NEUROD1: variants seen among roughly 807,000 people sequenced by gnomAD.
NEUROD1 encodes the protein neuronal differentiation 1.
NEUROD1 carries 9 observed loss-of-function variants against 21.8 expected under a neutral mutation model. That is an observed-to-expected ratio of 0.41 (90% CI 0.25 to 0.72). The LOEUF is 0.72. NEUROD1 is among the 30% of genes least tolerant of loss of function. The pLI, the probability that NEUROD1 is intolerant of heterozygous loss-of-function variation, is 0.31. For missense variants in NEUROD1, 434 were observed against 468.8 expected, an observed-to-expected ratio of 0.93 and a Z score of 0.69; for synonymous variants, 199 against 186.2, an observed-to-expected ratio of 1.07 and a Z score of -0.56.
Position 181,678,324 on chromosome 2 carries a change from G to A in NEUROD1, c.537C>T (p.Pro179=), listed in dbSNP as rs1180665611. Residue 179 remains proline, a synonymous_variant, in exon 2 of 2, where the codon CCC becomes CCT. Transcript: ENST00000295108. This position sits in a 1 kb window ranked among gnomAD's most constrained non-coding sequence, Gnocchi z 5.5. ...VQTLCKGLSQ[P]TTNLVAGCLQ... ...GGCAGCCCGCAACCAGGTTGGTGGTGGGTTGGGATAAGCCCTTGCAAAGCG... is the reference window on the plus strand; with the variant it reads ...GGCAGCCCGCAACCAGGTTGGTGGTAGGTTGGGATAAGCCCTTGCAAAGCG... The A allele has an allele frequency of 6.2e-7, 1 of 1,614,100 alleles. No homozygotes were observed. The highest frequency in any genetic ancestry group is 1.1e-5 in the South Asian group (1 of 91,088).
downstream of NEUROD1, among the ~76,000 whole-genome samples, chr2:181,672,586 C>T (rs1172067145): frequency 6.6e-6 from 1 of 152,148 alleles, no homozygotes; most frequent in African/African-American, 2.4e-5. Flanking sequence ...TAGGCAAATG[C>T]TCTGGAAAGA....
downstream of NEUROD1, among the ~76,000 whole-genome samples, chr2:181,670,055 C>T (rs1050504469): frequency 2.0e-5 from 3 of 152,114 alleles, no homozygotes; most frequent in African/African-American, 7.2e-5. Context: ...AAAATATGAA[C>T]TTGTGTGTTA....
intron 1 of NEUROD1, 101 bp downstream of exon 1, chr2:181,680,329 A>G (rs1347489564): frequency 6.6e-6 from 1 of 152,200 alleles, no homozygotes; most frequent in Non-Finnish European, 1.5e-5. Context: ...CTCAATACAC[A>G]TACACACTCT....
At chr2:181,673,734 C>T (rs528938589), downstream of NEUROD1, among the ~76,000 whole-genome samples, 2 of 152,218 alleles carry the variant, frequency 1.3e-5, no homozygotes, top group South Asian at 4.1e-4. Flanking sequence ...GGTATTTTCA[C>T]TTTAAATTTC....
Position 181,677,918 on chromosome 2 carries a change from C to G in NEUROD1, c.943G>C (p.Gly315Arg), listed in dbSNP as rs746176237. The G allele has an allele frequency of 6.2e-7, 1 of 1,614,152 alleles. No homozygotes were observed. The highest frequency in any genetic ancestry group is 1.1e-5 in the South Asian group (1 of 91,074). Residue 315 changes from glycine to arginine, a missense_variant, in exon 2 of 2, where the codon GGA (glycine) becomes CGA (arginine). Transcript: ENST00000295108. ...AATLAGAQSHGSIFSGTAAPR... is the reference protein window; with the variant it reads ...AATLAGAQSHRSIFSGTAAPR... ...GCAGCGGTGCCTGAGAAGATTGATC[C>G]GTGGCTTTGGGCCCCTGCCAGTGTC...
downstream of NEUROD1, among the ~76,000 whole-genome samples, chr2:181,671,929 C>A (rs1027080418): frequency 2.6e-5 from 4 of 152,138 alleles, no homozygotes; most frequent in Non-Finnish European, 5.9e-5. Flanking sequence ...TTAACTGACA[C>A]CATTGAGCGC....
At chr2:181,675,751 GGGGGGAGGAAA>G, downstream of NEUROD1, among the ~76,000 whole-genome samples, 1 of 151,970 alleles carries the variant, frequency 6.6e-6, no homozygotes, top group Non-Finnish European at 1.5e-5. Flanking sequence ...CCCAAAGGGT[GGGGGGAGGAAA>G]TAATTACACC....
Position 181,677,759 on chromosome 2 carries a change from G to T in NEUROD1, c.*31C>A, listed in dbSNP as rs1278143769. ...CAGTCACTGTAAGCACAGTGGGTTC[G>T]TTTCCCGGAAATGGTGAAACTGGCG... On this transcript the variant is annotated 3_prime_UTR_variant, in exon 2 of 2. Transcript: ENST00000295108. 1 of 1,613,944 alleles carries T rather than the reference G, an allele frequency of 6.2e-7. No homozygotes were observed. The highest frequency in any genetic ancestry group is 1.3e-5 in the African/African-American group (1 of 75,050).
chr2:181,677,112 A>ATTTTTTTTTTTTTTTT lies in NEUROD1; in HGVS notation c.*662_*677dup, dbSNP rs374172497. On this transcript the variant is annotated 3_prime_UTR_variant, in exon 2 of 2. Coordinates refer to ENST00000295108, the MANE Select transcript of NEUROD1 (RefSeq NM_002500.5). Reference sequence around the variant, plus strand: ...TGAAATGAATTGCTCAAATTGTGCAATTTTTTTTTTTTTTTTTTTTTTTTT... The same window carrying ATTTTTTTTTTTTTTTT: ...TGAAATGAATTGCTCAAATTGTGCAATTTTTTTTTTTTTTTTTTTTTTTTTTTTTTTTTTTTTTTTT... The ATTTTTTTTTTTTTTTT allele has an allele frequency of 6.1e-5, 3 of 49,428 alleles. No homozygotes were observed. The highest frequency in any genetic ancestry group is 3.5e-4 in the Admixed American group (1 of 2,866). The allele number at this position is 49,428 out of a possible 1,614,324, so 3.1% of individuals were successfully genotyped here.
rs201174472 is a variant in NEUROD1 at position 181,678,245 on chromosome 2, G to C, written c.616C>G (p.His206Asp). 25 of 1,614,052 alleles carry C rather than the reference G, an allele frequency of 1.5e-5. No homozygotes were observed. Among genetic ancestry groups the C allele is most frequent in the African/African-American group, 4.0e-5 (3 of 75,036 alleles). The change falls in exon 2 of 2, where the codon CAC (histidine) becomes GAC (aspartate). Residue 206 changes from histidine to aspartate, a missense_variant. His to Asp is a moderately conservative substitution (Grantham distance 81, BLOSUM62 -1). Coordinates refer to ENST00000295108, the MANE Select transcript of NEUROD1 (RefSeq NM_002500.5). The surrounding 1 kb of genome is among the most constrained non-coding windows in gnomAD (Gnocchi z 5.5). ...LPEQNQDMPPHLPTASASFPV... is the reference protein window; with the variant it reads ...LPEQNQDMPPDLPTASASFPV... ...AAGGAAGCGCTGGCCGTCGGCAGGT[G>C]GGGGGGCATGTCCTGGTTCTGCTCA...
At position 181,678,059 on chromosome 2, in the gene NEUROD1, A is replaced by C; in HGVS notation, c.802T>G (p.Ser268Ala). 2.5e-6 allele frequency: 4 copies of C among 1,614,132 alleles called. No homozygotes were observed. The highest frequency in any genetic ancestry group is 3.4e-6 in the Non-Finnish European group (4 of 1,180,020). Residue 268 changes from serine (S) to alanine (A), a missense_variant, in exon 2 of 2, where the codon TCC becomes GCC. Coordinates refer to ENST00000295108, the MANE Select transcript of NEUROD1 (RefSeq NM_002500.5). This position sits in a 1 kb window ranked among gnomAD's most constrained non-coding sequence, Gnocchi z 5.5. ...GGCGGGCTGAGGGGTCCATCAAAGG[A>C]AGGGCTGGTGCAATCAGTCAGAGGG... is the stretch of plus-strand genomic sequence containing the variant. The part of the protein sequence containing the change: ...ESPLTDCTSP[S>A]FDGPLSPPLS...
rs387906384 is a variant in NEUROD1 at position 181,678,244 on chromosome 2, T to TG, written c.616dup (p.His206ProfsTer38). Reference sequence around the variant, plus strand: ...GAAGGAAGCGCTGGCCGTCGGCAGGTGGGGGGGCATGTCCTGGTTCTGCTC... The same window carrying TG: ...GAAGGAAGCGCTGGCCGTCGGCAGGTGGGGGGGGCATGTCCTGGTTCTGCTC... On this transcript the variant is annotated frameshift_variant, in exon 2 of 2. Transcript: ENST00000295108. LOFTEE classifies it high-confidence loss of function. This position sits in a 1 kb window ranked among gnomAD's most constrained non-coding sequence, Gnocchi z 5.5. The TG allele has an allele frequency of 1.5e-5, 24 of 1,613,414 alleles. No homozygotes were observed. The highest frequency in any genetic ancestry group is 2.2e-5 in the South Asian group (2 of 91,046).
downstream of NEUROD1, among the ~76,000 whole-genome samples, chr2:181,673,737 TA>T (rs1688528717): frequency 6.6e-6 from 1 of 152,242 alleles, no homozygotes; most frequent in South Asian, 2.1e-4. Context: ...ATTTTCACTT[TA>T]AATTTCTTGT....
At chr2:181,670,722 C>G (rs568641128) in exon 2 of NEUROD1, among the ~76,000 whole-genome samples, 3 of 152,050 alleles carry the variant, frequency 2.0e-5, no homozygotes, top group Non-Finnish European at 2.9e-5. Flanking sequence ...GCCCCAAATC[C>G]TTGGGGCCCC....
rs763573674 is a variant in NEUROD1 at position 181,677,828 on chromosome 2, C to G, written c.1033G>C (p.Val345Leu). The change falls in exon 2 of 2, where the codon GTC becomes CTC. Residue 345 changes from valine (V) to leucine (L), a missense_variant. By Grantham distance (32) the Val-to-Leu change is conservative. Coordinates refer to ENST00000295108, the MANE Select transcript of NEUROD1 (RefSeq NM_002500.5). ...ATGGCATTGAGCTGGGCACTCATGA[C>G]TCGCTCATGATGTGAATGGCTATCG... Reference protein sequence around the residue: ...SFDSHSHHERVMSAQLNAIFH... With the variant: ...SFDSHSHHERLMSAQLNAIFH... The G allele has an allele frequency of 1.5e-5, 25 of 1,613,970 alleles. No homozygotes were observed. Among genetic ancestry groups the G allele is most frequent in the Non-Finnish European group, 1.9e-5 (23 of 1,179,992 alleles).
chr2:181,674,128 C>G (rs982102722), downstream of NEUROD1, among the ~76,000 whole-genome samples: 2 of 151,998 alleles, frequency 1.3e-5, no homozygotes, highest in African/African-American at 4.8e-5. Context: ...AATATTTAGC[C>G]CAATTTCATC....
downstream of NEUROD1, chr2:181,673,208 C>G (rs1406912867): frequency 6.6e-6 from 1 of 152,218 alleles, no homozygotes; most frequent in Non-Finnish European, 1.5e-5. Context: ...GTCAATGCCA[C>G]TAGTTTGGCT....
chr2:181,679,534 GC>G (rs1193940883), intron 1 of NEUROD1, among the ~76,000 whole-genome samples: 3 of 152,166 alleles, frequency 2.0e-5, no homozygotes, highest in Non-Finnish European at 4.4e-5. Context: ...TTCTTTTCTT[GC>G]CTTCCATCTC....
chr2:181,676,205 C>G (rs1559134540), downstream of NEUROD1, among the ~76,000 whole-genome samples: 2 of 151,992 alleles, frequency 1.3e-5, no homozygotes, highest in African/African-American at 4.8e-5. Context: ...CCACTTAAAA[C>G]AAAGAAAAAA....
Sources: allele counts gnomAD v4.1 joint callset (sites outside exome capture counted in the v4.1 genomes callset), GRCh38; gene constraint gnomAD v4.1.1; non-coding constraint Gnocchi (gnomAD v3.1); transcripts MANE v1.5; gene names NCBI Gene and HGNC (gene_info 2026-07-23, HGNC 2026-07-21).